Variants in PAK5 observed in about 807,000 individuals in gnomAD.
PAK5 encodes serine/threonine-protein kinase PAK 5.
A neutral mutation model predicts 65.9 loss-of-function variants in PAK5; 16 were observed. The ratio of observed to expected loss-of-function variants is 0.24; its 90% CI spans 0.16 to 0.37. The LOEUF is 0.37. PAK5 is among the 10% of genes least tolerant of loss of function. PAK5 has a pLI of 1.00. For missense variants in PAK5, 785 were observed against 903.9 expected (o/e 0.87, Z 1.69); for synonymous variants, 371 against 354.9 (o/e 1.05, Z -0.51).
intron 3 of PAK5, among the ~76,000 whole-genome samples, chr20:9,624,277 C>T (rs2123199617): frequency 6.6e-6 from 1 of 152,272 alleles, no homozygotes; most frequent in Middle Eastern, 3.4e-3. Context: ...AAATTTTAGC[C>T]TGTCTTGGTT....
chr20:9,675,527 G>A (rs985205475), intron 2 of PAK5, among the ~76,000 whole-genome samples: 5 of 152,012 alleles, frequency 3.3e-5, no homozygotes, highest in Non-Finnish European at 1.5e-5. Context: ...ATTTATTTTA[G>A]AGATGGAGTC....
chr20:9,591,728 C>T (rs1027817803), intron 3 of PAK5, among the ~76,000 whole-genome samples: 1 of 151,976 alleles, frequency 6.6e-6, no homozygotes, highest in Admixed American at 6.6e-5. Context: ...ATATGCAATG[C>T]TAAGGGCCAC....
chr20:9,689,815 T>A (rs1472900349), intron 2 of PAK5, among the ~76,000 whole-genome samples: 1 of 152,198 alleles, frequency 6.6e-6, no homozygotes, highest in Non-Finnish European at 1.5e-5. Context: ...TGAATTCATG[T>A]GTAGACTCAT....
At chr20:9,742,698 T>C (rs1328065302) in intron 1 of PAK5, among the ~76,000 whole-genome samples, 3 of 152,194 alleles carry the variant, frequency 2.0e-5, no homozygotes, top group Admixed American at 6.5e-5. Flanking sequence ...TCTGGATTTA[T>C]CTACATACTT....
At chr20:9,761,059 T>C (rs1393784816) in intron 1 of PAK5, among the ~76,000 whole-genome samples, 2 of 152,336 alleles carry the variant, frequency 1.3e-5, no homozygotes, top group South Asian at 2.1e-4. Flanking sequence ...AAAGTATCAC[T>C]AGTGTCATTT....
chr20:9,823,214 A>G (rs2049443736), intron 1 of PAK5, among the ~76,000 whole-genome samples: 1 of 152,224 alleles, frequency 6.6e-6, no homozygotes, highest in East Asian at 1.9e-4. Context: ...CATCTTGAAC[A>G]GAGGAGAAGC....
intron 1 of PAK5, among the ~76,000 whole-genome samples, chr20:9,749,478 A>G (rs1410902508): frequency 1.3e-5 from 2 of 152,158 alleles, no homozygotes; most frequent in Non-Finnish European, 2.9e-5. Flanking sequence ...AAAATACAGA[A>G]AACTGTTTTG....
intron 1 of PAK5, among the ~76,000 whole-genome samples, chr20:9,790,553 T>A (rs1288288983): frequency 6.6e-6 from 1 of 152,122 alleles, no homozygotes; most frequent in Non-Finnish European, 1.5e-5. Context: ...TTGACCAGGC[T>A]GTAGTACAGT....
intron 1 of PAK5, among the ~76,000 whole-genome samples, chr20:9,719,806 T>A (rs1282881850): frequency 2.0e-5 from 3 of 152,158 alleles, no homozygotes; most frequent in Non-Finnish European, 4.4e-5. Flanking sequence ...TAACACCTAC[T>A]TACACAATTT....
chr20:9,547,346 T>A (rs2045360385), intron 7 of PAK5, among the ~76,000 whole-genome samples: 1 of 152,202 alleles, frequency 6.6e-6, no homozygotes, highest in Non-Finnish European at 1.5e-5. Flanking sequence ...TGGTAGCAAT[T>A]TGTTATAGCA....
At chr20:9,587,398 A>G (rs965106503) in intron 3 of PAK5, among the ~76,000 whole-genome samples, 1 of 152,210 alleles carries the variant, frequency 6.6e-6, no homozygotes, top group Non-Finnish European at 1.5e-5. Context: ...AAAGCGGAAT[A>G]CTTTCAAATT....
At chr20:9,804,766 G>C (rs1246263235) in intron 1 of PAK5, among the ~76,000 whole-genome samples, 1 of 152,038 alleles carries the variant, frequency 6.6e-6, no homozygotes, top group Non-Finnish European at 1.5e-5. Flanking sequence ...TCCAGAGTGT[G>C]GGCCAGGTGT....
At chr20:9,818,512 T>C (rs2049384063) in intron 1 of PAK5, among the ~76,000 whole-genome samples, 1 of 152,160 alleles carries the variant, frequency 6.6e-6, no homozygotes, top group Non-Finnish European at 1.5e-5. Flanking sequence ...GGGAACAGTA[T>C]CTCGCAAGGA....
chr20:9,624,130 A>AC (rs1204866183), intron 3 of PAK5, among the ~76,000 whole-genome samples: 5 of 152,234 alleles, frequency 3.3e-5, no homozygotes, highest in African/African-American at 9.6e-5. Flanking sequence ...TGTAAGAAAA[A>AC]CATAGGAAAA....
intron 1 of PAK5, among the ~76,000 whole-genome samples, chr20:9,762,651 T>A (rs2048712817): frequency 6.6e-6 from 1 of 152,092 alleles, no homozygotes; most frequent in South Asian, 2.1e-4. Flanking sequence ...AAAATGGGAC[T>A]CTGGTACACT....
Position 9,670,562 on chromosome 20 carries a change from A to C in PAK5, c.-11-26223T>G, listed in dbSNP as rs560404178. Among the ~76,000 whole-genome samples, 56 of 152,286 alleles carry C rather than the reference A, an allele frequency of 3.7e-4. 3 individuals carry two copies. The South Asian group carries it at 0.011, about 30-fold the overall frequency. The stretch of plus-strand genomic sequence containing the variant: ...TTTTCATGTGTCTGTTGGCTGCATA[A>C]ATGTCTTCTTTTGAGAAGTGTCTGT... On this transcript the variant is annotated intron_variant, in intron 2 of 9. Coordinates refer to ENST00000353224, the MANE Select transcript of PAK5 (RefSeq NM_177990.4).
At chr20:9,728,152 G>T (rs1600295198) in intron 1 of PAK5, among the ~76,000 whole-genome samples, 1 of 152,064 alleles carries the variant, frequency 6.6e-6, no homozygotes, top group East Asian at 1.9e-4. Flanking sequence ...CATAAAAGAG[G>T]CTTCAGAGAG....
At chr20:9,685,075 A>T (rs2047699995) in intron 2 of PAK5, among the ~76,000 whole-genome samples, 1 of 152,176 alleles carries the variant, frequency 6.6e-6, no homozygotes, top group East Asian at 1.9e-4. Context: ...ATCTCTAAAA[A>T]TCTGAATCCA....
intron 2 of PAK5, among the ~76,000 whole-genome samples, chr20:9,665,667 T>C (rs955059076): frequency 4.6e-5 from 7 of 151,718 alleles, no homozygotes; most frequent in Non-Finnish European, 5.9e-5. Flanking sequence ...CTTTTCTTTT[T>C]TTTTTTTTGA....
Sources: gnomAD v4.1 joint callset for allele counts (sites outside exome capture counted in the v4.1 genomes callset) on GRCh38, gnomAD v4.1.1 for gene constraint, MANE v1.5 for transcripts, NCBI Gene and HGNC (gene_info 2026-07-23, HGNC 2026-07-21) for gene names.